The following CTIF variants were observed in gnomAD, a reference collection of about 807,000 sequenced individuals.
CTIF encodes the protein cap binding complex dependent translation initiation factor, also known as CBP80/20-dependent translation initiation factor.
Under a neutral mutation model 66.0 loss-of-function variants are expected in CTIF, and 21 were observed. The ratio of observed to expected loss-of-function variants is 0.32; its 90% CI spans 0.23 to 0.46. The LOEUF (loss-of-function observed/expected upper bound fraction) is 0.46, where lower values mean the gene tolerates loss of function less well. Among genes scored for constraint, CTIF ranks in the 20% least tolerant of loss-of-function variants. CTIF has a pLI of 1.00. For synonymous variants in CTIF, 345 were observed against 326.4 expected, an observed-to-expected ratio of 1.06 and a Z score of -0.62; for missense variants, 739 against 812.7, an observed-to-expected ratio of 0.91 and a Z score of 1.10.
intron 1 of CTIF, among the ~76,000 whole-genome samples, chr18:48,560,774 C>T (rs114199404): frequency 3.6e-4 from 54 of 151,380 alleles, no homozygotes; most frequent in African/African-American, 1.2e-3. Flanking sequence ...GGTTCCACCA[C>T]GTTGCCCAGG....
chr18:48,782,370 ACT>A (rs1911314486), intron 9 of CTIF, among the ~76,000 whole-genome samples: 2 of 151,826 alleles, frequency 1.3e-5, no homozygotes, highest in Non-Finnish European at 2.9e-5. Flanking sequence ...TGGGGGCAGC[ACT>A]CTGTTTTCCT....
At chr18:48,619,978 C>T (rs1568079081) in intron 2 of CTIF, among the ~76,000 whole-genome samples, 3 of 152,218 alleles carry the variant, frequency 2.0e-5, no homozygotes, top group Non-Finnish European at 4.4e-5. Flanking sequence ...TCCAATGAGG[C>T]TTTGAGGCCC....
intron 9 of CTIF, among the ~76,000 whole-genome samples, chr18:48,780,238 G>A (rs1470686802): frequency 6.6e-6 from 1 of 152,206 alleles, no homozygotes; most frequent in Non-Finnish European, 1.5e-5. Flanking sequence ...AAGAAGTGAG[G>A]ACCCTGGGGT....
At chr18:48,804,600 C>A (rs983524011) in intron 9 of CTIF, among the ~76,000 whole-genome samples, 1 of 152,196 alleles carries the variant, frequency 6.6e-6, no homozygotes, top group Non-Finnish European at 1.5e-5. Flanking sequence ...GTCTCTCTGC[C>A]GCTTATTCAG....
chr18:48,801,450 G>A (rs777361759), intron 9 of CTIF, among the ~76,000 whole-genome samples: 4 of 152,204 alleles, frequency 2.6e-5, no homozygotes, highest in Non-Finnish European at 5.9e-5. Context: ...GATAAAGGAT[G>A]TGTGCACTCC....
At chr18:48,579,080 C>T (rs1050844757) in intron 1 of CTIF, among the ~76,000 whole-genome samples, 4 of 152,118 alleles carry the variant, frequency 2.6e-5, no homozygotes, top group African/African-American at 9.7e-5. Flanking sequence ...GAGACAGTGT[C>T]TCACTCTGTC....
chr18:48,750,081 C>G (rs1907657458), intron 7 of CTIF, among the ~76,000 whole-genome samples: 1 of 152,232 alleles, frequency 6.6e-6, no homozygotes, highest in Non-Finnish European at 1.5e-5. Context: ...AAAATAATAC[C>G]TCGTATTCAT....
At chr18:48,591,755 C>G (rs1568055650) in intron 1 of CTIF, among the ~76,000 whole-genome samples, 1 of 152,018 alleles carries the variant, frequency 6.6e-6, no homozygotes, top group East Asian at 1.9e-4. Context: ...CTTTTCTTTT[C>G]TTTTTTCTTA....
chr18:48,648,552 G>A (rs2091096987), intron 3 of CTIF, among the ~76,000 whole-genome samples: 1 of 151,256 alleles, frequency 6.6e-6, no homozygotes, highest in Non-Finnish European at 1.5e-5. Flanking sequence ...TTTGGGTTCT[G>A]CCCCCTGACA....
intron 1 of CTIF, among the ~76,000 whole-genome samples, chr18:48,596,542 G>A (rs1314262252): frequency 3.3e-5 from 5 of 151,426 alleles, no homozygotes; most frequent in Non-Finnish European, 7.4e-5. Context: ...ATGCAGTGGC[G>A]GGACCTTGGC....
chr18:48,645,834 G>A (rs978664810), intron 3 of CTIF, among the ~76,000 whole-genome samples: 2 of 152,202 alleles, frequency 1.3e-5, no homozygotes, highest in African/African-American at 2.4e-5. Flanking sequence ...CTGCGGCGTC[G>A]GAGGAGGTTG....
intron 6 of CTIF, among the ~76,000 whole-genome samples, chr18:48,707,602 TTCC>T (rs1267664818): frequency 2.6e-5 from 4 of 151,756 alleles, no homozygotes; most frequent in Non-Finnish European, 5.9e-5. Flanking sequence ...TTCTCCTTTC[TTCC>T]TCCTCCTCCT....
intron 10 of CTIF, among the ~76,000 whole-genome samples, chr18:48,827,852 A>G (rs1340870179): frequency 6.6e-6 from 1 of 152,106 alleles, no homozygotes; most frequent in Non-Finnish European, 1.5e-5. Flanking sequence ...CGCTCAGCAC[A>G]CACAGTGAAG....
At chr18:48,670,774 C>T in intron 6 of CTIF, 30 bp downstream of exon 6, 1 of 1,573,526 alleles carries the variant, frequency 6.4e-7, no homozygotes, top group Non-Finnish European at 8.7e-7. Flanking sequence ...CTCTAACAGC[C>T]CACCCCCACC....
chr18:48,560,100 A>C, intron 1 of CTIF, among the ~76,000 whole-genome samples: 1 of 152,192 alleles, frequency 6.6e-6, no homozygotes, highest in Non-Finnish European at 1.5e-5. Context: ...AATGCCAGTT[A>C]TCTAACAGTC....
At chr18:48,548,603 C>T (rs1254960051) in intron 1 of CTIF, among the ~76,000 whole-genome samples, 1 of 152,180 alleles carries the variant, frequency 6.6e-6, no homozygotes, top group East Asian at 1.9e-4. Context: ...GATGGCTGGA[C>T]GTGCCTGGAT....
At chr18:48,742,193 G>A (rs138688600) in intron 7 of CTIF, among the ~76,000 whole-genome samples, 63 of 152,318 alleles carry the variant, frequency 4.1e-4, no homozygotes, top group Non-Finnish European at 8.8e-4. Flanking sequence ...GTTTCCCGAA[G>A]GAGACAACAC....
At chr18:48,687,975 C>G (rs527943869) in intron 6 of CTIF, among the ~76,000 whole-genome samples, 1 of 152,232 alleles carries the variant, frequency 6.6e-6, no homozygotes, top group Non-Finnish European at 1.5e-5. Context: ...TTCTGCAGTT[C>G]CTGAAAACCG....
intron 7 of CTIF, among the ~76,000 whole-genome samples, chr18:48,712,148 C>A (rs1285921086): frequency 6.6e-6 from 1 of 152,142 alleles, no homozygotes; most frequent in Non-Finnish European, 1.5e-5. Context: ...GGGGGTTGTC[C>A]CTCATGCGTG....
Sources: gnomAD v4.1 joint callset for allele counts (sites outside exome capture counted in the v4.1 genomes callset) on GRCh38, gnomAD v4.1.1 for gene constraint, MANE v1.5 for transcripts, NCBI Gene and HGNC (gene_info 2026-07-23, HGNC 2026-07-21) for gene names.